TJP1: variants seen among roughly 807,000 people sequenced by gnomAD.
The protein encoded by TJP1 is tight junction protein ZO-1.
A neutral mutation model predicts 194.2 loss-of-function variants in TJP1; 43 were observed. That is an observed-to-expected ratio of 0.22 (90% confidence interval 0.17 to 0.29). The LOEUF (loss-of-function observed/expected upper bound fraction) is 0.29. Ranked by LOEUF, TJP1 falls within the 10% of genes least tolerant of loss-of-function variation. TJP1 has a pLI of 1.00. For missense variants in TJP1, 1,971 were observed against 2,185.7 expected (o/e 0.90, Z 1.96); for synonymous variants, 801 against 779.0 (o/e 1.03, Z -0.47).
chr15:29,880,103 TAC>T (rs2052871339), intron 2 of TJP1, among the ~76,000 whole-genome samples: 1 of 150,548 alleles, frequency 6.6e-6, no homozygotes, highest in South Asian at 2.2e-4. Context: ...TCCTCTCCAC[TAC>T]ATCTTCAATA....
Position 29,708,839 on chromosome 15 carries a change from A to G in TJP1, c.4570T>C (p.Tyr1524His). 6.2e-7 allele frequency: 1 copy of G among 1,614,182 alleles called. No individual in the cohort carries two copies. The highest frequency in any genetic ancestry group is 1.1e-5 in the South Asian group (1 of 91,086). Residue 1524 changes from tyrosine (Y) to histidine (H), a missense_variant, in exon 25 of 28, where the codon TAC becomes CAC. Physicochemically the swap from Tyr to His is moderately conservative, Grantham distance 83. This residue lies in a region of TJP1 where 1,108 missense variants were observed against 1,128.5 expected (regional missense o/e 0.98). Coordinates refer to ENST00000614355, the MANE Select transcript of TJP1 (RefSeq NM_001330239.4). Reference protein sequence around the residue: ...EQTQKTVTPAYNRFTPKPYTS... With the variant: ...EQTQKTVTPAHNRFTPKPYTS... ...TATGGTTTTGGTGTGAATCGATTGT[A>G]TGCTGGAGTGACTGTTTTCTGAGTC...
chr15:29,846,862 C>T lies in TJP1; in HGVS notation c.307-46160G>A, dbSNP rs1287185130. The stretch of plus-strand genomic sequence containing the variant: ...AATGGTGTGAACCTGGGAGGTGGAG[C>T]TTGCAGTGAGCCGAGATGGTGCCAC... On this transcript the variant is annotated intron_variant, in intron 2 of 28. Transcript: ENST00000356107. Among the ~76,000 whole-genome samples, 4 of 151,742 alleles carry T rather than the reference C, an allele frequency of 2.6e-5. No homozygotes were observed. In the South Asian group the frequency reaches 6.3e-4, roughly 24 times the overall value.
chr15:29,851,433 A>G (rs2051638045), intron 2 of TJP1, among the ~76,000 whole-genome samples: 1 of 152,160 alleles, frequency 6.6e-6, no homozygotes. Context: ...GAAACAGGCA[A>G]TCTGAATAGC....
intron 8 of TJP1, among the ~76,000 whole-genome samples, chr15:29,751,200 A>C (rs964495960): frequency 1.3e-5 from 2 of 152,226 alleles, no homozygotes; most frequent in African/African-American, 4.8e-5. Context: ...TTGGGAACAA[A>C]AGGTAAAAAA....
intron 2 of TJP1, among the ~76,000 whole-genome samples, chr15:29,887,747 G>GCAAACAC (rs1355021266): frequency 1.3e-5 from 2 of 152,116 alleles, no homozygotes; most frequent in African/African-American, 2.4e-5. Context: ...ACACTTAAAT[G>GCAAACAC]CAAACACCAA....
chr15:29,779,264 G>C (rs2047204493), intron 2 of TJP1, among the ~76,000 whole-genome samples: 1 of 152,162 alleles, frequency 6.6e-6, no homozygotes. Flanking sequence ...TCCTTCCTCA[G>C]ATCATGGTGA....
At chr15:29,908,111 G>GGGA (rs1488773258) in intron 2 of TJP1, among the ~76,000 whole-genome samples, 4 of 132,776 alleles carry the variant, frequency 3.0e-5, no homozygotes, top group African/African-American at 1.2e-4. Flanking sequence ...AAGATAAAGA[G>GGGA]GGAGGAGACA....
At chr15:29,751,513 G>A (rs78519373) in intron 8 of TJP1, among the ~76,000 whole-genome samples, 6,748 of 152,238 alleles carry the variant, frequency 0.044, 168 homozygotes, top group South Asian at 0.075. Context: ...CAGGTCTGTG[G>A]TTCAAAAGTA....
chr15:29,849,636 G>A, intron 2 of TJP1, among the ~76,000 whole-genome samples: 1 of 151,906 alleles, frequency 6.6e-6, no homozygotes, highest in East Asian at 1.9e-4. Context: ...CTACTCAGGA[G>A]GCTGAGGCAG....
rs187127905 is a variant in TJP1 at position 29,944,386 on chromosome 15, C to T, written c.306+11846G>A. Among the ~76,000 whole-genome samples, 781 of 152,190 alleles carry T rather than the reference C, an allele frequency of 5.1e-3. 3 individuals carry two copies. The highest frequency in any genetic ancestry group is 8.7e-3 in the Non-Finnish European group (590 of 68,014). ...CTGGGATTACAGGCGTGAGCCACCG[C>T]GCCCGGCCTTGACTTTTTAGTATCA... On this transcript the variant is annotated intron_variant, in intron 2 of 28. Transcript: ENST00000356107.
At chr15:29,951,341 G>A (rs1274453400) in intron 2 of TJP1, among the ~76,000 whole-genome samples, 34 of 151,694 alleles carry the variant, frequency 2.2e-4, no homozygotes. Flanking sequence ...CTAATTTTTG[G>A]ATTTTTAGTA....
At position 29,701,427 on chromosome 15, in the gene TJP1, GA is replaced by G; in HGVS notation, c.*167del. The G allele has an allele frequency of 5.6e-6, 3 of 538,450 alleles. No individual in the cohort carries two copies. The highest frequency in any genetic ancestry group is 3.1e-5 in the South Asian group (1 of 31,870). The allele number at this position is 538,450 out of a possible 1,614,324, so 33.4% of individuals were successfully genotyped here. A position where few individuals can be genotyped will look rare whatever the true frequency, so the allele number is the denominator to read the frequency against. ...ACATGCAGTGTGTAGCATGTTTTCC[GA>G]CCATGGTTCAGGGGCATGCTCACTC... On this transcript the variant is annotated 3_prime_UTR_variant, in exon 28 of 28. Coordinates refer to ENST00000614355, the MANE Select transcript of TJP1 (RefSeq NM_001330239.4).
chr15:29,928,836 G>A lies in TJP1; in HGVS notation c.306+27396C>T, dbSNP rs1389182822. Among the ~76,000 whole-genome samples the A allele has an allele frequency of 2.0e-5, 3 of 152,176 alleles. No individual in the cohort carries two copies. In the East Asian group the frequency reaches 5.8e-4, roughly 29 times the overall value. ...GGGCGCCTGTAGTCCCAGCTACTCG[G>A]GAGGCTGAGACAGGAGAATGGCGTG... On this transcript the variant is annotated intron_variant, in intron 2 of 28. Coordinates refer to the TJP1 transcript ENST00000356107.
At chr15:29,742,345 T>C (rs2044478023) in intron 9 of TJP1, among the ~76,000 whole-genome samples, 1 of 152,222 alleles carries the variant, frequency 6.6e-6, no homozygotes, top group Non-Finnish European at 1.5e-5. Context: ...TCTTTTTAAA[T>C]TTTTGAAGCC....
chr15:29,940,181 C>A (rs2055020061), intron 2 of TJP1, among the ~76,000 whole-genome samples: 1 of 152,136 alleles, frequency 6.6e-6, no homozygotes. Flanking sequence ...AAGAACTTAA[C>A]TATAGCATTC....
chr15:29,742,541 A>G, intron 9 of TJP1, 101 bp downstream of exon 9: 3 of 1,328,420 alleles, frequency 2.3e-6, no homozygotes, highest in Non-Finnish European at 3.0e-6. Context: ...TTCACACATG[A>G]GAAGAATAAT....
chr15:29,820,661 C>A, intron 1 of TJP1: 1 of 671,882 alleles, frequency 1.5e-6, no homozygotes, highest in South Asian at 1.7e-5. Context: ...AATACGGAAA[C>A]AAAGCCTTTC....
chr15:29,755,654 A>C (rs926418462), intron 8 of TJP1, among the ~76,000 whole-genome samples: 3 of 152,330 alleles, frequency 2.0e-5, no homozygotes, highest in Admixed American at 2.0e-4. Flanking sequence ...AGTTTCTCAG[A>C]ACTAACCATT....
chr15:29,749,874 G>C (rs186229491), intron 8 of TJP1, among the ~76,000 whole-genome samples: 18 of 152,236 alleles, frequency 1.2e-4, no homozygotes, highest in African/African-American at 4.1e-4. Flanking sequence ...ACGGAGTCAC[G>C]CTCTGTCACC....
Sources: allele counts gnomAD v4.1 joint callset (sites outside exome capture counted in the v4.1 genomes callset), GRCh38; gene constraint gnomAD v4.1.1; regional missense constraint gnomAD v4.1.1; transcripts MANE v1.5; gene names NCBI Gene and HGNC (gene_info 2026-07-23, HGNC 2026-07-21).